The following SCG3 variants were observed in gnomAD, a reference collection of about 807,000 sequenced individuals.
The protein encoded by SCG3 is secretogranin III.
A neutral mutation model predicts 56.2 loss-of-function variants in SCG3; 38 were observed. The observed-to-expected ratio is 0.68, with a 90% confidence interval of 0.52 to 0.89. The LOEUF (loss-of-function observed/expected upper bound fraction) is 0.89, where lower values mean the gene tolerates loss of function less well. SCG3 is among the 40% of genes least tolerant of loss of function. The pLI is 0.00. For missense variants in SCG3, 524 were observed against 540.7 expected (o/e 0.97, Z 0.31); for synonymous variants, 176 against 184.2 (o/e 0.96, Z 0.36).
chr15:51,692,471 G>C, intron 7 of SCG3, 135 bp downstream of exon 7: 2 of 724,992 alleles, frequency 2.8e-6, no homozygotes, highest in Non-Finnish European at 4.2e-6. Flanking sequence ...TGGGGAAAAG[G>C]GTTCACATCG....
At position 51,688,403 on chromosome 15, in the gene SCG3, G is replaced by T. The variant is rs903604916; in HGVS notation, c.540+1G>T. The T allele has an allele frequency of 4.3e-6, 7 of 1,612,528 alleles. No homozygotes were observed. The highest frequency in any genetic ancestry group is 5.9e-6 in the Non-Finnish European group (7 of 1,178,972). On this transcript the variant is annotated splice_donor_variant, in intron 5 of 11. Transcript: ENST00000220478. LOFTEE classifies it high-confidence loss of function. ...TTCTAAACTACTTAATCTCGGCCTT[G>T]TAAGTCATTTGGTAGGAAATAAACC...
At position 51,692,144 on chromosome 15, in the gene SCG3, T is replaced by C. The variant is rs2055271368; in HGVS notation, c.691-15T>C. 6.3e-7 allele frequency: 1 copy of C among 1,577,224 alleles called. No individual in the cohort carries two copies. Among genetic ancestry groups the C allele is most frequent in the Non-Finnish European group, 8.6e-7 (1 of 1,164,178 alleles). Reference sequence around the variant, plus strand: ...AACAAAATGTTCATTTTTTATTGATTTTTCCCCACTGGAGACTCCAATGGC... The same window carrying C: ...AACAAAATGTTCATTTTTTATTGATCTTTCCCCACTGGAGACTCCAATGGC... On this transcript the variant is annotated splice_polypyrimidine_tract_variant and intron_variant, in intron 6 of 11. Coordinates refer to ENST00000220478, the MANE Select transcript of SCG3 (RefSeq NM_013243.4).
intron 7 of SCG3, among the ~76,000 whole-genome samples, chr15:51,694,614 T>G (rs1207781824): frequency 1.3e-5 from 2 of 152,240 alleles, no homozygotes; most frequent in Non-Finnish European, 2.9e-5. Flanking sequence ...TTAGTTTTTC[T>G]TTTCTTCAAA....
At position 51,689,243 on chromosome 15, in the gene SCG3, C is replaced by T; in HGVS notation, c.565C>T (p.Leu189=). Residue 189 remains leucine, a synonymous_variant, in exon 6 of 12, where the codon CTG becomes TTG. Coordinates refer to ENST00000220478, the MANE Select transcript of SCG3 (RefSeq NM_013243.4). ...GATCACAGAAAGCCAAGCACATACACTGGAAGATGAAGTAGCAGAGGTTTT... is the reference window on the plus strand; with the variant it reads ...GATCACAGAAAGCCAAGCACATACATTGGAAGATGAAGTAGCAGAGGTTTT... The part of the protein sequence containing the change: ...GLITESQAHT[L]EDEVAEVLQK... 1.9e-6 allele frequency: 3 copies of T among 1,613,832 alleles called. No homozygotes were observed. The highest frequency in any genetic ancestry group is 2.5e-6 in the Non-Finnish European group (3 of 1,179,870).
chr15:51,689,141 T>G (rs2055249541), intron 5 of SCG3, 78 bp from the exon 6 acceptor site: 2 of 1,429,730 alleles, frequency 1.4e-6, no homozygotes, highest in African/African-American at 2.9e-5. Flanking sequence ...CATGTTTGAC[T>G]ACAGTTTAGT....
chr15:51,709,725 T>A (rs28649091), intron 10 of SCG3, among the ~76,000 whole-genome samples: 618 of 56,908 alleles, frequency 0.011, 7 homozygotes, highest in Non-Finnish European at 0.015. Flanking sequence ...TTTTTTTTTT[T>A]TTTTTTTTTT....
At chr15:51,710,029 CCCGG>C (rs1338241012) in intron 10 of SCG3, among the ~76,000 whole-genome samples, 3 of 151,434 alleles carry the variant, frequency 2.0e-5, no homozygotes, top group Non-Finnish European at 4.4e-5. Flanking sequence ...AGCCACCGCG[CCCGG>C]CCGGCTTGTA....
intron 10 of SCG3, 103 bp from the exon 11 acceptor site, chr15:51,713,230 T>C (rs1274304043): frequency 2.7e-6 from 2 of 746,428 alleles, no homozygotes; most frequent in Non-Finnish European, 4.6e-6. Flanking sequence ...TTGCAAATGC[T>C]GCATAAGTCT....
chr15:51,698,279 A>G (rs964720507), intron 8 of SCG3, among the ~76,000 whole-genome samples: 3 of 152,242 alleles, frequency 2.0e-5, no homozygotes, highest in Non-Finnish European at 4.4e-5. Flanking sequence ...TGAGATAGCT[A>G]TGTGGCTGGT....
In SCG3 at chr15:51,720,339, AATAGAG is replaced by A. The variant is rs1445394635; in HGVS notation, c.*817_*822del. The A allele has an allele frequency of 6.6e-6, 1 of 152,230 alleles. No homozygotes were observed. Among genetic ancestry groups the A allele is most frequent in the Non-Finnish European group, 1.5e-5 (1 of 68,038 alleles). The allele number at this position is 152,230 out of a possible 1,614,324, so 9.4% of individuals were successfully genotyped here. On this transcript the variant is annotated 3_prime_UTR_variant, in exon 12 of 12. Coordinates refer to ENST00000220478, the MANE Select transcript of SCG3 (RefSeq NM_013243.4). ...GCAAAGGGCCAGGCAGTAAGGTAGAAATAGAGATAAAAATCATTCCTTCCTTGTGAT... is the reference window on the plus strand; with the variant it reads ...GCAAAGGGCCAGGCAGTAAGGTAGAAATAAAAATCATTCCTTCCTTGTGAT...
rs2055483677 is a variant in SCG3 at position 51,719,708 on chromosome 15, A to G, written c.*182A>G. ...TTTCTTCCCGTAAAAACTATCTGAA[A>G]GTAAAGTTGTATGTAAGCTGAGATT... On this transcript the variant is annotated 3_prime_UTR_variant, in exon 12 of 12. Transcript: ENST00000220478. The G allele has an allele frequency of 3.6e-6, 2 of 561,672 alleles. No homozygotes were observed. The highest frequency in any genetic ancestry group is 3.8e-5 in the African/African-American group (2 of 52,698). The allele number at this position is 561,672 out of a possible 1,614,324, so 34.8% of individuals were successfully genotyped here.
intron 4 of SCG3, among the ~76,000 whole-genome samples, chr15:51,684,758 A>G (rs973091578): frequency 3.9e-5 from 6 of 152,228 alleles, no homozygotes; most frequent in African/African-American, 1.4e-4. Flanking sequence ...GTGATTATTT[A>G]TGATTAATGC....
At chr15:51,716,379 C>G (rs1162922826) in intron 11 of SCG3, among the ~76,000 whole-genome samples, 1 of 152,162 alleles carries the variant, frequency 6.6e-6, no homozygotes, top group African/African-American at 2.4e-5. Flanking sequence ...TTCTCTACTT[C>G]GTGCCTGAGA....
chr15:51,709,902 T>TC (rs1471486749), intron 10 of SCG3, among the ~76,000 whole-genome samples: 3 of 138,002 alleles, frequency 2.2e-5, no homozygotes, highest in Non-Finnish European at 4.7e-5. Flanking sequence ...TTTTTTTTTT[T>TC]TTTTTTTGTA....
intron 8 of SCG3, 54 bp downstream of exon 8, chr15:51,696,045 A>C (rs2055301591): frequency 1.0e-6 from 1 of 1,003,750 alleles, no homozygotes; most frequent in Non-Finnish European, 1.6e-6. Context: ...GTTCAAAGTA[A>C]ATTAGGGACT....
intron 11 of SCG3, among the ~76,000 whole-genome samples, chr15:51,718,801 G>C (rs979701802): frequency 4.0e-5 from 6 of 151,832 alleles, no homozygotes; most frequent in African/African-American, 1.5e-4. Context: ...TTTGCTCCTT[G>C]CATACAATTC....
chr15:51,702,037 A>G (rs2055342905), intron 10 of SCG3, among the ~76,000 whole-genome samples: 1 of 152,210 alleles, frequency 6.6e-6, no homozygotes, highest in African/African-American at 2.4e-5. Context: ...TACATATGTA[A>G]CAAACCTGCA....
intron 11 of SCG3, among the ~76,000 whole-genome samples, 167 bp downstream of exon 11, chr15:51,713,580 CTTA>C (rs1421831487): frequency 6.6e-6 from 1 of 152,154 alleles, no homozygotes; most frequent in Non-Finnish European, 1.5e-5. Context: ...CTCCATTTCT[CTTA>C]TTATTCAAAT....
chr15:51,709,701 ATTTTTTTTTTTTTTT>A (rs869162420), intron 10 of SCG3, among the ~76,000 whole-genome samples: 6 of 22,958 alleles, frequency 2.6e-4, no homozygotes, highest in Non-Finnish European at 3.9e-4. Context: ...ATATATATAT[ATTTTTTTTTTTTTTT>A]TTTTTTTTTT....
Sources: allele counts gnomAD v4.1 joint callset (sites outside exome capture counted in the v4.1 genomes callset), GRCh38; gene constraint gnomAD v4.1.1; transcripts MANE v1.5; gene names NCBI Gene and HGNC (gene_info 2026-07-23, HGNC 2026-07-21).